FBXO4: variants seen among roughly 807,000 people sequenced by gnomAD.
The protein encoded by FBXO4 is F-box protein 4, also known as F-box only protein 4.
FBXO4 carries 36 observed loss-of-function variants against 43.7 expected under a neutral mutation model. That is an observed-to-expected ratio of 0.82 (90% confidence interval 0.63 to 1.09). The LOEUF (loss-of-function observed/expected upper bound fraction) is 1.09. Among genes scored for constraint, FBXO4 ranks in the 50% least tolerant of loss-of-function variants. The pLI, the probability that FBXO4 is intolerant of heterozygous loss-of-function variation, is 0.00. For missense variants in FBXO4, 435 were observed against 474.1 expected (o/e 0.92, Z 0.77); for synonymous variants, 180 against 165.6 (o/e 1.09, Z -0.67).
chr5:41,980,261 A>G, the FBXO4 span, among the ~76,000 whole-genome samples: 1 of 152,234 alleles, frequency 6.6e-6, no homozygotes, highest in Non-Finnish European at 1.5e-5. Flanking sequence ...AGGAAGGTTC[A>G]TAGAAAGTCT....
intron 6 of FBXO4, among the ~76,000 whole-genome samples, chr5:41,940,936 A>G (rs1751989218): frequency 6.6e-6 from 1 of 152,232 alleles, no homozygotes; most frequent in South Asian, 2.1e-4. Context: ...GAAGCAAGTC[A>G]TGGAAATGGT....
chr5:41,931,332 T>A (rs1751681482), intron 3 of FBXO4, among the ~76,000 whole-genome samples: 1 of 152,234 alleles, frequency 6.6e-6, no homozygotes, highest in South Asian at 2.1e-4. Flanking sequence ...GTAATAAGGA[T>A]GGCTCCAGGT....
the FBXO4 span, among the ~76,000 whole-genome samples, chr5:41,990,135 T>C: frequency 2.6e-5 from 4 of 152,338 alleles, no homozygotes; most frequent in Admixed American, 2.6e-4. Context: ...CACAGATAAG[T>C]TTCCGATTTC....
the FBXO4 span, among the ~76,000 whole-genome samples, chr5:41,949,848 T>A: frequency 6.6e-6 from 1 of 152,142 alleles, no homozygotes; most frequent in South Asian, 2.1e-4. Flanking sequence ...AACAGCATGG[T>A]ACTGGTACCA....
At chr5:41,979,499 A>T in the FBXO4 span, among the ~76,000 whole-genome samples, 1 of 152,234 alleles carries the variant, frequency 6.6e-6, no homozygotes, top group Non-Finnish European at 1.5e-5. Flanking sequence ...ATCACCTCTC[A>T]GGAAAAGACA....
At chr5:42,000,514 A>C in the FBXO4 span, among the ~76,000 whole-genome samples, 1 of 152,080 alleles carries the variant, frequency 6.6e-6, no homozygotes, top group Non-Finnish European at 1.5e-5. Flanking sequence ...GTTTGCAAAT[A>C]TTTTCTCTCA....
At chr5:41,937,932 T>A (rs143349357) in intron 5 of FBXO4, among the ~76,000 whole-genome samples, 331 of 152,320 alleles carry the variant, frequency 2.2e-3, no homozygotes, top group African/African-American at 7.6e-3. Context: ...CACTCTTGCA[T>A]TGGGGTTTAA....
At chr5:42,027,781 C>T in the FBXO4 span, among the ~76,000 whole-genome samples, 1 of 151,512 alleles carries the variant, frequency 6.6e-6, no homozygotes, top group African/African-American at 2.4e-5. Flanking sequence ...CTAACTTATT[C>T]GTTGACCCAC....
chr5:41,966,630 T>C, the FBXO4 span, among the ~76,000 whole-genome samples: 1 of 152,224 alleles, frequency 6.6e-6, no homozygotes, highest in African/African-American at 2.4e-5. Context: ...GGTTCAGTTC[T>C]ACTTAGACAG....
At chr5:42,030,579 G>A in the FBXO4 span, among the ~76,000 whole-genome samples, 567 of 149,264 alleles carry the variant, frequency 3.8e-3, 10 homozygotes, top group East Asian at 0.026. Flanking sequence ...ACCAAAAGCA[G>A]TGGCAACAAA....
chr5:42,032,225 G>A, the FBXO4 span, among the ~76,000 whole-genome samples: 18 of 152,018 alleles, frequency 1.2e-4, no homozygotes, highest in Non-Finnish European at 2.4e-4. Flanking sequence ...CTGCAGTGAC[G>A]GCCCTCTGGC....
At chr5:41,957,030 A>G in the FBXO4 span, among the ~76,000 whole-genome samples, 1 of 151,848 alleles carries the variant, frequency 6.6e-6, no homozygotes, top group Non-Finnish European at 1.5e-5. Flanking sequence ...TTTGATTTCA[A>G]TATTTTCTAA....
the FBXO4 span, among the ~76,000 whole-genome samples, chr5:42,002,024 T>C: frequency 6.6e-6 from 1 of 152,308 alleles, no homozygotes; most frequent in Admixed American, 6.5e-5. Flanking sequence ...TAGTTTGTTG[T>C]TTGTGTTTAG....
the FBXO4 span, among the ~76,000 whole-genome samples, chr5:42,024,240 CA>C: frequency 1.3e-5 from 2 of 151,824 alleles, no homozygotes; most frequent in African/African-American, 2.4e-5. Context: ...TGTGTGTCAC[CA>C]ATTAATTTAT....
chr5:41,950,170 C>T, the FBXO4 span, among the ~76,000 whole-genome samples: 30 of 152,126 alleles, frequency 2.0e-4, no homozygotes, highest in African/African-American at 5.1e-4. Context: ...GACTTCATGA[C>T]GAAAACACCA....
the FBXO4 span, among the ~76,000 whole-genome samples, chr5:42,031,091 A>C: frequency 3.3e-5 from 5 of 152,222 alleles, no homozygotes; most frequent in African/African-American, 1.2e-4. Context: ...CATTTGACCC[A>C]GCCATCCCAT....
At chr5:41,976,356 T>C in the FBXO4 span, among the ~76,000 whole-genome samples, 30 of 152,310 alleles carry the variant, frequency 2.0e-4, 1 homozygote, top group African/African-American at 7.2e-4. Context: ...CAAAGTTTCA[T>C]CTGAGACTCA....
the FBXO4 span, among the ~76,000 whole-genome samples, chr5:42,019,651 C>T: frequency 6.6e-6 from 1 of 151,356 alleles, no homozygotes; most frequent in Non-Finnish European, 1.5e-5. Context: ...CAAGATCACA[C>T]CATGGCACTC....
At chr5:41,938,334 A>G (rs11738911) in intron 5 of FBXO4, among the ~76,000 whole-genome samples, 2 of 152,300 alleles carry the variant, frequency 1.3e-5, no homozygotes, top group East Asian at 1.9e-4. Flanking sequence ...ATATACTTCA[A>G]CAGCTACTAA....
Sources: allele counts gnomAD v4.1 joint callset (sites outside exome capture counted in the v4.1 genomes callset), GRCh38; gene constraint gnomAD v4.1.1; transcripts MANE v1.5; gene names NCBI Gene and HGNC (gene_info 2026-07-23, HGNC 2026-07-21).